The following SNX13 variants were observed in gnomAD, a reference collection of about 807,000 sequenced individuals.
SNX13 encodes sorting nexin 13.
A neutral mutation model predicts 133.6 loss-of-function variants in SNX13; 45 were observed. That is an observed-to-expected ratio of 0.34 (90% CI 0.27 to 0.43). The LOEUF is 0.43. SNX13 is among the 20% of genes least tolerant of loss of function. SNX13 has a pLI of 1.00. For synonymous variants in SNX13, 414 were observed against 373.9 expected (o/e 1.11, Z -1.24); for missense variants, 1,032 against 1,145.1 (o/e 0.90, Z 1.43).
intron 1 of SNX13, among the ~76,000 whole-genome samples, chr7:17,909,521 TA>T (rs1018888707): frequency 2.6e-5 from 4 of 152,192 alleles, no homozygotes; most frequent in African/African-American, 9.7e-5. Context: ...TATGCAGCCA[TA>T]AAAAGGAACA....
intron 8 of SNX13, among the ~76,000 whole-genome samples, chr7:17,871,232 C>CT (rs1185694748): frequency 2.6e-5 from 4 of 152,272 alleles, no homozygotes; most frequent in Admixed American, 2.6e-4. Context: ...GTCTCGATCT[C>CT]CTGACCTCGT....
chr7:17,816,350 T>C, intron 18 of SNX13, 61 bp from the exon 19 acceptor site: 1 of 1,490,178 alleles, frequency 6.7e-7, no homozygotes, highest in Non-Finnish European at 9.0e-7. Context: ...TCCCAAGTGA[T>C]TATTTCTCTA....
At chr7:17,841,583 C>CACACACACAA (rs1491551329) in intron 12 of SNX13, among the ~76,000 whole-genome samples, 2 of 150,468 alleles carry the variant, frequency 1.3e-5, no homozygotes, top group African/African-American at 4.9e-5. Flanking sequence ...CACACACACA[C>CACACACACAA]GCACACACAC....
At chr7:17,839,227 T>C (rs892474433) in intron 13 of SNX13, among the ~76,000 whole-genome samples, 2 of 149,614 alleles carry the variant, frequency 1.3e-5, no homozygotes, top group Admixed American at 1.3e-4. Flanking sequence ...ATATATTCTA[T>C]AGAATTATAG....
chr7:17,845,513 T>A (rs1354627532), intron 12 of SNX13, 82 bp downstream of exon 12: 1 of 853,024 alleles, frequency 1.2e-6, no homozygotes, highest in Non-Finnish European at 1.8e-6. Context: ...GTTGAGATAC[T>A]AAATTTTATG....
rs552023234 is a variant in SNX13 at position 17,837,555 on chromosome 7, A to G, written c.1359+2252T>C. ...TCGGTGCTCCAAAAAAAGTCCAAAAACCATATATATGGCTTGTTTGGTAGG... is the reference window on the plus strand; with the variant it reads ...TCGGTGCTCCAAAAAAAGTCCAAAAGCCATATATATGGCTTGTTTGGTAGG... On this transcript the variant is annotated intron_variant, in intron 13 of 25. Coordinates refer to ENST00000428135, the MANE Select transcript of SNX13 (RefSeq NM_015132.5). 4.6e-5 allele frequency among the ~76,000 whole-genome samples: 7 copies of G among 152,082 alleles called. No individual in the cohort carries two copies. The South Asian group carries it at 1.2e-3, about 27-fold the overall frequency.
At chr7:17,890,985 C>G (rs1357891371) in intron 4 of SNX13, among the ~76,000 whole-genome samples, 1 of 151,690 alleles carries the variant, frequency 6.6e-6, no homozygotes, top group Non-Finnish European at 1.5e-5. Context: ...CAACAGTATT[C>G]AGACAATAAA....
intron 4 of SNX13, among the ~76,000 whole-genome samples, chr7:17,890,715 A>AT (rs201130814): frequency 2.2e-3 from 336 of 152,026 alleles, no homozygotes; most frequent in African/African-American, 7.6e-3. Context: ...ATTTAAAAAA[A>AT]AAAATAAAAT....
In SNX13 at chr7:17,826,007, T is replaced by G; in HGVS notation, c.1705+15A>C. 1 of 1,477,988 alleles carries G rather than the reference T, an allele frequency of 6.8e-7. No individual in the cohort carries two copies. Among genetic ancestry groups the G allele is most frequent in the Non-Finnish European group, 9.1e-7 (1 of 1,100,128 alleles). The allele number at this position is 1,477,988 out of a possible 1,614,324, so 91.6% of individuals were successfully genotyped here. A position where few individuals can be genotyped will look rare whatever the true frequency, so the allele number is the denominator to read the frequency against. On this transcript the variant is annotated intron_variant, in intron 17 of 25. Transcript: ENST00000428135. Reference sequence around the variant, plus strand: ...CATAGTTTTAATGCAATAATTATACTTCAAACTCTCTTACCTGTGTCTGAA... The same window carrying G: ...CATAGTTTTAATGCAATAATTATACGTCAAACTCTCTTACCTGTGTCTGAA...
chr7:17,809,675 C>A (rs1785771486), intron 20 of SNX13, among the ~76,000 whole-genome samples: 1 of 152,202 alleles, frequency 6.6e-6, no homozygotes. Context: ...ACATTCTTCT[C>A]AGCACCACAT....
Position 17,897,440 on chromosome 7 carries a change from G to C in SNX13, c.19C>G (p.Leu7Val). The change falls in exon 2 of 26, where the codon CTA (leucine) becomes GTA (valine). Residue 7 changes from leucine to valine, a missense_variant. Coordinates refer to ENST00000428135, the MANE Select transcript of SNX13 (RefSeq NM_015132.5). ...AGGCTTCCCCATCCCCATATGGATA[G>C]ACTGGCCTGAAATACAGAAAAAATA... MLTEASLSIWGWGSLGI... is the reference protein window; with the variant it reads MLTEASVSIWGWGSLGI... 1 of 1,562,084 alleles carries C rather than the reference G, an allele frequency of 6.4e-7. No homozygotes were observed.
At chr7:17,890,856 T>C (rs1443034701) in intron 4 of SNX13, among the ~76,000 whole-genome samples, 4 of 151,996 alleles carry the variant, frequency 2.6e-5, no homozygotes, top group East Asian at 1.9e-4. Context: ...TGTAAAATAA[T>C]AGAGACTATA....
intron 9 of SNX13, among the ~76,000 whole-genome samples, chr7:17,862,889 G>A (rs1027002017): frequency 6.6e-6 from 1 of 152,166 alleles, no homozygotes; most frequent in Non-Finnish European, 1.5e-5. Context: ...AATTAGGTGA[G>A]TGATCACAGT....
At chr7:17,833,972 A>T in intron 15 of SNX13, 80 bp downstream of exon 15, 1 of 1,101,670 alleles carries the variant, frequency 9.1e-7, no homozygotes, top group Non-Finnish European at 1.2e-6. Context: ...AACATTTTTA[A>T]CTTATACAAA....
chr7:17,904,706 A>ACC (rs1798209456), intron 1 of SNX13, among the ~76,000 whole-genome samples: 1 of 152,224 alleles, frequency 6.6e-6, no homozygotes, highest in Non-Finnish European at 1.5e-5. Context: ...CTTAGTTGAT[A>ACC]CTACTTCAGT....
At chr7:17,817,837 A>C (rs907696139) in intron 18 of SNX13, among the ~76,000 whole-genome samples, 1 of 152,150 alleles carries the variant, frequency 6.6e-6, no homozygotes, top group African/African-American at 2.4e-5. Context: ...TACTGACTCA[A>C]TTTTAGAAAA....
At position 17,850,801 on chromosome 7, in the gene SNX13, A is replaced by G. The variant is rs945512037; in HGVS notation, c.976+25T>C. The stretch of plus-strand genomic sequence containing the variant: ...ATAAAATAATACTTCAAAAAAATAT[A>G]TCTTAAATTAAATACATTACTTACC... On this transcript the variant is annotated intron_variant, in intron 10 of 25. Coordinates refer to ENST00000428135, the MANE Select transcript of SNX13 (RefSeq NM_015132.5). 2.7e-6 allele frequency: 4 copies of G among 1,493,758 alleles called. No homozygotes were observed. The African/African-American group carries it at 4.3e-5, about 16-fold the overall frequency. The allele number at this position is 1,493,758 out of a possible 1,614,324, so 92.5% of individuals were successfully genotyped here.
chr7:17,937,133 T>C (rs1402290830), intron 1 of SNX13, among the ~76,000 whole-genome samples: 2 of 151,194 alleles, frequency 1.3e-5, no homozygotes, highest in Non-Finnish European at 2.9e-5. Context: ...AATAATTCCA[T>C]TGTATTTAAG....
At chr7:17,830,485 T>C in intron 15 of SNX13, 1 of 984,080 alleles carries the variant, frequency 1.0e-6, no homozygotes, top group South Asian at 4.7e-5. Flanking sequence ...CTGTGAGGGA[T>C]AAACAGACTT....
Sources: gnomAD v4.1 joint callset for allele counts (sites outside exome capture counted in the v4.1 genomes callset) on GRCh38, gnomAD v4.1.1 for gene constraint, MANE v1.5 for transcripts, NCBI Gene and HGNC (gene_info 2026-07-23, HGNC 2026-07-21) for gene names.